Variants in ITGB3BP observed in about 807,000 individuals in gnomAD.
ITGB3BP encodes centromere protein R.
In ITGB3BP, 27 loss-of-function variants were observed where a neutral mutation model predicts 29.1. The observed-to-expected ratio is 0.93, with a 90% confidence interval of 0.68 to 1.28. The LOEUF (loss-of-function observed/expected upper bound fraction) is 1.28. Ranked by LOEUF, ITGB3BP falls within the 50% of genes most tolerant of loss-of-function variation. The pLI is 0.00. For missense variants in ITGB3BP, 192 were observed against 200.2 expected (o/e 0.96, Z 0.25); for synonymous variants, 61 against 61.4 (o/e 0.99, Z 0.03).
chr1:63,511,540 A>T (rs558102795), intron 1 of ITGB3BP, among the ~76,000 whole-genome samples: 2 of 152,128 alleles, frequency 1.3e-5, no homozygotes, highest in Non-Finnish European at 2.9e-5. Context: ...CAACCCAAAT[A>T]TCCACTGACA....
intron 1 of ITGB3BP, among the ~76,000 whole-genome samples, chr1:63,510,377 A>G (rs552460290): frequency 6.6e-6 from 1 of 152,178 alleles, no homozygotes; most frequent in African/African-American, 2.4e-5. Flanking sequence ...AAAGTAACTA[A>G]ATGTTTGCTT....
chr1:63,452,861 T>C (rs1423305015), intron 7 of ITGB3BP, among the ~76,000 whole-genome samples: 8 of 152,156 alleles, frequency 5.3e-5, no homozygotes. Context: ...GCACTTTCCA[T>C]TGCCAACCGA....
intron 2 of ITGB3BP, among the ~76,000 whole-genome samples, chr1:63,495,755 C>T (rs997609904): frequency 6.6e-6 from 1 of 152,114 alleles, no homozygotes; most frequent in Non-Finnish European, 1.5e-5. Context: ...GAAAATCTCC[C>T]TAGAACCAGG....
intron 2 of ITGB3BP, among the ~76,000 whole-genome samples, chr1:63,497,204 T>G (rs1443601813): frequency 2.0e-5 from 3 of 151,812 alleles, no homozygotes; most frequent in Non-Finnish European, 4.4e-5. Flanking sequence ...ACTCGGGAGG[T>G]TGAGTTGGGA....
rs1014062681 is a variant in ITGB3BP at position 63,490,188 on chromosome 1, T to C, written c.79A>G (p.Lys27Glu). 2.5e-6 allele frequency: 4 copies of C among 1,585,824 alleles called. No homozygotes were observed. In the African/African-American group the frequency reaches 4.0e-5, roughly 16 times the overall value. ...GTTGGAGAATAAGTTATAACACTTT[T>C]CTTCCTTGTGATTTTTGAAGGATCA... ...SFDPSKITRK[K>E]SVITYSPTTG... The change falls in exon 3 of 9, where the codon AAA (lysine) becomes GAA (glutamate). Residue 27 changes from lysine to glutamate, a missense_variant. Coordinates refer to ENST00000271002, the MANE Select transcript of ITGB3BP (RefSeq NM_014288.5).
chr1:63,529,180 A>G (rs1646649795), exon 2 of ITGB3BP: 1 of 152,238 alleles, frequency 6.6e-6, no homozygotes, highest in Admixed American at 6.5e-5. Context: ...CGACATCCAA[A>G]ATAAAACTGT....
chr1:63,450,510 T>A (rs1189078265), intron 7 of ITGB3BP, among the ~76,000 whole-genome samples: 1 of 151,984 alleles, frequency 6.6e-6, no homozygotes, highest in Non-Finnish European at 1.5e-5. Flanking sequence ...ACAAGTTGTT[T>A]TAAGTAGAGG....
chr1:63,521,481 T>C (rs533171593), intron 1 of ITGB3BP, among the ~76,000 whole-genome samples: 2 of 152,270 alleles, frequency 1.3e-5, no homozygotes, highest in South Asian at 2.1e-4. Context: ...AATATACTTA[T>C]CTAAAAGCCT....
At chr1:63,489,432 C>T (rs1174047049) in intron 3 of ITGB3BP, among the ~76,000 whole-genome samples, 2 of 149,032 alleles carry the variant, frequency 1.3e-5, no homozygotes, top group Non-Finnish European at 3.0e-5. Context: ...CCCACGGAAT[C>T]GAGATTTGTG....
chr1:63,522,873 C>T (rs1570354062), intron 1 of ITGB3BP: 1 of 659,358 alleles, frequency 1.5e-6, no homozygotes, highest in Non-Finnish European at 2.8e-6. Context: ...TTAGACATCA[C>T]CTAAATACAG....
At chr1:63,504,835 C>T (rs185757572) in intron 2 of ITGB3BP, among the ~76,000 whole-genome samples, 2 of 152,294 alleles carry the variant, frequency 1.3e-5, no homozygotes, top group East Asian at 3.9e-4. Context: ...ATATGTTGAA[C>T]CAGCCTTGCA....
At chr1:63,485,857 T>A (rs74078234) in intron 3 of ITGB3BP, among the ~76,000 whole-genome samples, 3,446 of 152,156 alleles carry the variant, frequency 0.023, 138 homozygotes, top group African/African-American at 0.078. Context: ...TAAAATTTTG[T>A]CTTTGATGTT....
At position 63,446,874 on chromosome 1, in the gene ITGB3BP, G is replaced by A; in HGVS notation, c.485-18C>T. On this transcript the variant is annotated intron_variant, in intron 7 of 8. Coordinates refer to ENST00000271002, the MANE Select transcript of ITGB3BP (RefSeq NM_014288.5). Reference sequence around the variant, plus strand: ...ACGTGATGCTATATGAAAGAAGAAAGGTTTTTTTTTTCAGAAAACAATTCA... The same window carrying A: ...ACGTGATGCTATATGAAAGAAGAAAAGTTTTTTTTTTCAGAAAACAATTCA... 6.8e-7 allele frequency: 1 copy of A among 1,465,388 alleles called. No homozygotes were observed. The highest frequency in any genetic ancestry group is 1.4e-5 in the African/African-American group (1 of 69,392). 90.8% of individuals were successfully genotyped at this position (1,465,388 alleles called of 1,614,324 possible).
chr1:63,485,864 T>A (rs903196641), intron 3 of ITGB3BP, among the ~76,000 whole-genome samples: 11 of 152,084 alleles, frequency 7.2e-5, no homozygotes, highest in Admixed American at 6.6e-4. Context: ...TTGTCTTTGA[T>A]GTTCTACATA....
chr1:63,462,041 A>C (rs1645026058), intron 4 of ITGB3BP, among the ~76,000 whole-genome samples: 1 of 152,262 alleles, frequency 6.6e-6, no homozygotes, highest in African/African-American at 2.4e-5. Flanking sequence ...TAGGAATTAC[A>C]GTGAATCTGT....
chr1:63,500,963 A>G (rs187348606), intron 2 of ITGB3BP, among the ~76,000 whole-genome samples: 1 of 152,330 alleles, frequency 6.6e-6, no homozygotes, highest in Non-Finnish European at 1.5e-5. Context: ...ATATATATAG[A>G]TAGACAAATG....
At chr1:63,514,959 A>AG (rs1557656667) in intron 1 of ITGB3BP, among the ~76,000 whole-genome samples, 1 of 151,790 alleles carries the variant, frequency 6.6e-6, no homozygotes, top group African/African-American at 2.4e-5. Flanking sequence ...AAAAAAAAAA[A>AG]AAAAAGAAAA....
At chr1:63,523,267 G>C, upstream of ITGB3BP, 1 of 1,207,752 alleles carries the variant, frequency 8.3e-7, no homozygotes, top group Non-Finnish European at 1.2e-6. Context: ...CACCGCGGCC[G>C]GGCGGAAACA....
At chr1:63,473,424 A>C in intron 4 of ITGB3BP, among the ~76,000 whole-genome samples, 1 of 135,862 alleles carries the variant, frequency 7.4e-6, no homozygotes. Flanking sequence ...CCCTACTGGG[A>C]AGTGAGGAGC....
Sources: allele counts gnomAD v4.1 joint callset (sites outside exome capture counted in the v4.1 genomes callset), GRCh38; gene constraint gnomAD v4.1.1; transcripts MANE v1.5; gene names NCBI Gene and HGNC (gene_info 2026-07-23, HGNC 2026-07-21).